SLC4A4: variants seen among roughly 807,000 people sequenced by gnomAD.
SLC4A4 encodes the protein solute carrier family 4 member 4.
Under a neutral mutation model 111.5 loss-of-function variants are expected in SLC4A4, and 27 were observed. The ratio of observed to expected loss-of-function variants is 0.24; its 90% CI spans 0.18 to 0.33. The LOEUF is 0.33. Among genes scored for constraint, SLC4A4 ranks in the 10% least tolerant of loss-of-function variants. The pLI, the probability that SLC4A4 is intolerant of heterozygous loss-of-function variation, is 1.00. For synonymous variants in SLC4A4, 443 were observed against 463.4 expected (o/e 0.96, Z 0.57); for missense variants, 909 against 1,315.5 (o/e 0.69, Z 4.78).
intron 3 of SLC4A4, among the ~76,000 whole-genome samples, chr4:71,266,193 T>G (rs950604745): frequency 1.3e-5 from 2 of 152,172 alleles, no homozygotes; most frequent in African/African-American, 4.8e-5. Flanking sequence ...GGAAGACAGC[T>G]GGGTCTAGGG....
rs550473882 is a variant in SLC4A4 at position 71,427,470 on chromosome 4, T to TA, written c.808-13140dup. On this transcript the variant is annotated intron_variant, in intron 7 of 25. Transcript: ENST00000264485. The stretch of plus-strand genomic sequence containing the variant: ...AAATTCCCATCTTGAAATCAATATT[T>TA]AAAAAATATGATGTTATTTCAAAGT... Among the ~76,000 whole-genome samples, 214 of 152,186 alleles carry TA rather than the reference T, an allele frequency of 1.4e-3. 1 individual carries two copies. Among genetic ancestry groups the TA allele is most frequent in the African/African-American group, 5.0e-3 (209 of 41,570 alleles).
chr4:71,437,640 A>G (rs1223929886), intron 7 of SLC4A4: 3 of 512,594 alleles, frequency 5.9e-6, no homozygotes, highest in African/African-American at 3.9e-5. Context: ...AGGCAAGTTT[A>G]TCACCCAAAC....
chr4:71,244,980 G>T (rs889200153), intron 2 of SLC4A4, among the ~76,000 whole-genome samples: 3 of 152,140 alleles, frequency 2.0e-5, no homozygotes, highest in Non-Finnish European at 4.4e-5. Flanking sequence ...TATCACATAC[G>T]TAGGTGAGTT....
intron 2 of SLC4A4, among the ~76,000 whole-genome samples, chr4:71,145,773 TC>T (rs1367254099): frequency 6.6e-6 from 1 of 152,220 alleles, no homozygotes; most frequent in Non-Finnish European, 1.5e-5. Flanking sequence ...AGTTTGTATT[TC>T]TGTGGGATCG....
At chr4:71,133,054 T>C (rs537600588) in intron 2 of SLC4A4, among the ~76,000 whole-genome samples, 2 of 152,330 alleles carry the variant, frequency 1.3e-5, no homozygotes, top group African/African-American at 4.8e-5. Context: ...AATTACCATT[T>C]TTTTTTTAAC....
rs575438318 is a variant in SLC4A4 at position 71,206,248 on chromosome 4, A to G, written c.-2+18847A>G. Among the ~76,000 whole-genome samples the G allele has an allele frequency of 5.3e-5, 8 of 151,910 alleles. No individual in the cohort carries two copies. In the East Asian group the frequency reaches 1.3e-3, roughly 26 times the overall value. ...TATTGGAATATAAGAGAATCATTAA[A>G]TATGGAAAACAAGACCAAAAGACTA... On this transcript the variant is annotated intron_variant, in intron 1 of 25. Coordinates refer to ENST00000264485, the MANE Select transcript of SLC4A4 (RefSeq NM_001098484.3).
At chr4:71,145,888 CA>C (rs1361605004) in intron 2 of SLC4A4, among the ~76,000 whole-genome samples, 1 of 151,992 alleles carries the variant, frequency 6.6e-6, no homozygotes, top group Admixed American at 6.6e-5. Context: ...TTGATCTTTT[CA>C]AAAAACCAGC....
At chr4:71,362,047 A>G (rs1363530462) in intron 6 of SLC4A4, among the ~76,000 whole-genome samples, 1 of 152,184 alleles carries the variant, frequency 6.6e-6, no homozygotes, top group African/African-American at 2.4e-5. Flanking sequence ...GACTTTAAGG[A>G]CCAAAACCAA....
intron 3 of SLC4A4, among the ~76,000 whole-genome samples, chr4:71,297,681 A>G (rs1724919443): frequency 6.7e-6 from 1 of 148,548 alleles, no homozygotes; most frequent in Admixed American, 6.9e-5. Context: ...TCCGCCTCCG[A>G]GGTTCAAGTG....
chr4:71,570,884 C>T lies in SLC4A4; in HGVS notation c.*3133C>T, dbSNP rs1426584334. 2 of 151,962 alleles carry T rather than the reference C, an allele frequency of 1.3e-5. No homozygotes were observed. The highest frequency in any genetic ancestry group is 2.9e-5 in the Non-Finnish European group (2 of 67,832). 9.4% of individuals were successfully genotyped at this position (151,962 alleles called of 1,614,324 possible). A position where few individuals can be genotyped will look rare whatever the true frequency, so the allele number is the denominator to read the frequency against. On this transcript the variant is annotated 3_prime_UTR_variant, in exon 26 of 26. Transcript: ENST00000264485. ...TTTGTGTGCCAGGGGCAGTAATGTCCCTGCCTCTTCTCCCAATCAAGGTTG... is the reference window on the plus strand; with the variant it reads ...TTTGTGTGCCAGGGGCAGTAATGTCTCTGCCTCTTCTCCCAATCAAGGTTG...
chr4:71,211,719 C>T (rs1718138160), intron 1 of SLC4A4, among the ~76,000 whole-genome samples: 1 of 151,586 alleles, frequency 6.6e-6, no homozygotes, highest in Non-Finnish European at 1.5e-5. Flanking sequence ...AAGTCATGTC[C>T]CCCATAAGTT....
intron 6 of SLC4A4, among the ~76,000 whole-genome samples, chr4:71,385,187 A>ATTTTT (rs1560461079): frequency 1.2e-4 from 2 of 16,676 alleles, no homozygotes; most frequent in Non-Finnish European, 2.3e-4. Context: ...ATATATATAT[A>ATTTTT]TATATTTTTT....
chr4:71,273,251 T>TCTACATATATAGAGACTACATATATATA (rs1722822957), intron 3 of SLC4A4, among the ~76,000 whole-genome samples: 2 of 152,168 alleles, frequency 1.3e-5, no homozygotes. Context: ...ACATATATAG[T>TCTACATATATAGAGACTACATATATATA]GGATCAGATA....
chr4:71,094,353 C>G (rs1286144145), intron 2 of SLC4A4, among the ~76,000 whole-genome samples: 1 of 152,182 alleles, frequency 6.6e-6, no homozygotes, highest in Non-Finnish European at 1.5e-5. Flanking sequence ...AAGAGCTTCT[C>G]CAGAGTAGAG....
intron 3 of SLC4A4, among the ~76,000 whole-genome samples, chr4:71,271,720 A>G (rs1722713143): frequency 1.3e-5 from 2 of 152,238 alleles, no homozygotes; most frequent in African/African-American, 4.8e-5. Flanking sequence ...AATAAGAATA[A>G]ATGAAGATAA....
intron 2 of SLC4A4, among the ~76,000 whole-genome samples, chr4:71,162,545 T>C (rs1246536596): frequency 1.3e-5 from 2 of 152,178 alleles, no homozygotes; most frequent in Admixed American, 1.3e-4. Context: ...TAATCTCTTA[T>C]TGCTCCTTGT....
At chr4:71,450,655 G>A in intron 10 of SLC4A4, 112 bp downstream of exon 10, 2 of 1,026,206 alleles carry the variant, frequency 1.9e-6, no homozygotes, top group Non-Finnish European at 2.9e-6. Context: ...TCAGGTTCCT[G>A]TTTAACTTGA....
intron 13 of SLC4A4, among the ~76,000 whole-genome samples, chr4:71,470,353 G>A (rs1397068358): frequency 2.0e-5 from 3 of 151,766 alleles, no homozygotes; most frequent in South Asian, 4.2e-4. Context: ...CTCCTTCTTC[G>A]GTAATGTATT....
intron 3 of SLC4A4, among the ~76,000 whole-genome samples, chr4:71,268,242 A>G (rs1722446885): frequency 6.6e-6 from 1 of 152,008 alleles, no homozygotes; most frequent in South Asian, 2.1e-4. Flanking sequence ...CAATTCTACA[A>G]TTTTAGAAGT....
Sources: allele counts gnomAD v4.1 joint callset (sites outside exome capture counted in the v4.1 genomes callset), GRCh38; gene constraint gnomAD v4.1.1; transcripts MANE v1.5; gene names NCBI Gene and HGNC (gene_info 2026-07-23, HGNC 2026-07-21).